The following TNC variants were observed in gnomAD, a reference collection of about 807,000 sequenced individuals.
The protein encoded by TNC is tenascin C.
TNC carries 109 observed loss-of-function variants against 202.4 expected under a neutral mutation model. That is an observed-to-expected ratio of 0.54 (90% CI 0.46 to 0.63). The LOEUF (loss-of-function observed/expected upper bound fraction) is 0.63. Ranked by LOEUF, TNC falls within the 30% of genes least tolerant of loss-of-function variation. TNC has a pLI of 0.00. For missense variants in TNC, 2,756 were observed against 2,833.3 expected, an observed-to-expected ratio of 0.97 and a Z score of 0.62; for synonymous variants, 1,007 against 1,089.7, an observed-to-expected ratio of 0.92 and a Z score of 1.50.
intron 13 of TNC, among the ~76,000 whole-genome samples, chr9:115,062,053 G>A (rs5010187): frequency 0.51 from 78,153 of 152,066 alleles, 20,775 homozygotes; most frequent in African/African-American, 0.64. Flanking sequence ...GTGGCTCTGA[G>A]GCTAGTAATA....
intron 17 of TNC, 48 bp downstream of exon 17, chr9:115,046,362 C>T: frequency 6.3e-7 from 1 of 1,599,726 alleles, no homozygotes; most frequent in Non-Finnish European, 8.5e-7. Flanking sequence ...GAGAAGAAGA[C>T]CCCTGAGTCA....
At chr9:115,034,123 A>T (rs936306149) in intron 22 of TNC, among the ~76,000 whole-genome samples, 5 of 152,150 alleles carry the variant, frequency 3.3e-5, no homozygotes, top group African/African-American at 1.2e-4. Context: ...GCTGAGGTTT[A>T]CTCTCTGGAA....
chr9:115,114,469 A>T (rs928192710), intron 1 of TNC, among the ~76,000 whole-genome samples: 15 of 152,200 alleles, frequency 9.9e-5, no homozygotes. Flanking sequence ...CCTGACTGCT[A>T]CCTCTAGTTT....
intron 1 of TNC, among the ~76,000 whole-genome samples, chr9:115,106,279 G>T (rs1249077313): frequency 6.6e-6 from 1 of 152,182 alleles, no homozygotes; most frequent in Non-Finnish European, 1.5e-5. Context: ...GGTTAAGTAA[G>T]TGGCCTAGTC....
chr9:115,078,482 G>T (rs184227247), intron 6 of TNC, among the ~76,000 whole-genome samples: 1 of 150,644 alleles, frequency 6.6e-6, no homozygotes, highest in East Asian at 1.9e-4. Flanking sequence ...CTGGCCCATG[G>T]ATGTCACATG....
intron 15 of TNC, among the ~76,000 whole-genome samples, chr9:115,048,890 G>A (rs1564437248): frequency 1.3e-5 from 2 of 151,008 alleles, no homozygotes; most frequent in African/African-American, 4.9e-5. Flanking sequence ...GTTGCATTTT[G>A]TTGAGTTTGG....
intron 6 of TNC, among the ~76,000 whole-genome samples, chr9:115,081,191 C>T (rs1172718904): frequency 6.6e-6 from 1 of 152,128 alleles, no homozygotes; most frequent in African/African-American, 2.4e-5. Flanking sequence ...CTTCTTTAAG[C>T]CTTAACATTA....
chr9:115,063,442 C>T lies in TNC; in HGVS notation c.3761-253G>A, dbSNP rs945301252. On this transcript the variant is annotated intron_variant, in intron 12 of 27. Transcript: ENST00000350763. ...TTCTATTCTTGACATACAAATAGGGCTATGGGGAGTCCTTTGGTGTTCTTA... is the reference window on the plus strand; with the variant it reads ...TTCTATTCTTGACATACAAATAGGGTTATGGGGAGTCCTTTGGTGTTCTTA... Among the ~76,000 whole-genome samples the T allele has an allele frequency of 2.0e-5, 3 of 152,098 alleles. No individual in the cohort carries two copies. The South Asian group carries it at 6.2e-4, about 32-fold the overall frequency.
At chr9:115,057,476 A>T (rs754099753) in intron 14 of TNC, 51 bp from the exon 15 acceptor site, 3 of 1,440,270 alleles carry the variant, frequency 2.1e-6, no homozygotes, top group Non-Finnish European at 2.8e-6. Context: ...TGAGTTAATT[A>T]TTTGGCTGTG....
At position 115,095,476 on chromosome 9, in the gene TNC, A is replaced by G. The variant is rs1293249223; in HGVS notation, c.-136-4322T>C. ...TATATATGTATATATATATGTATAT[A>G]TATGTATATATATATGTATATATAT... is the stretch of plus-strand genomic sequence containing the variant. On this transcript the variant is annotated intron_variant, in intron 1 of 27. Transcript: ENST00000350763. 3.5e-5 allele frequency among the ~76,000 whole-genome samples: 2 copies of G among 57,340 alleles called. 1 individual carries two copies. The highest frequency in any genetic ancestry group is 6.6e-5 in the Non-Finnish European group (2 of 30,150). The allele number at this position is 57,340 out of a possible 152,430, so 37.6% of individuals were successfully genotyped here. A position where few individuals can be genotyped will look rare whatever the true frequency, so the allele number is the denominator to read the frequency against.
chr9:115,036,318 A>T, intron 20 of TNC, 77 bp from the exon 21 acceptor site: 1 of 1,514,552 alleles, frequency 6.6e-7, no homozygotes, highest in Non-Finnish European at 9.0e-7. Flanking sequence ...AACCACATAC[A>T]CACCTCCTTC....
intron 16 of TNC, 127 bp downstream of exon 16, chr9:115,048,132 CA>C: frequency 8.4e-7 from 1 of 1,193,358 alleles, no homozygotes; most frequent in East Asian, 2.3e-5. Flanking sequence ...GAAGGTGAAA[CA>C]GTAGACTACA....
At chr9:115,093,650 G>A (rs1372189768) in intron 1 of TNC, among the ~76,000 whole-genome samples, 1 of 148,380 alleles carries the variant, frequency 6.7e-6, no homozygotes, top group African/African-American at 2.5e-5. Flanking sequence ...AAAGGGCCAT[G>A]GGCCAAGTTT....
Position 115,086,251 on chromosome 9 carries a change from C to T in TNC, c.1480G>A (p.Glu494Lys), listed in dbSNP as rs908105891. 5 of 1,614,200 alleles carry T rather than the reference C, an allele frequency of 3.1e-6. No individual in the cohort carries two copies. The highest frequency in any genetic ancestry group is 2.2e-5 in the East Asian group (1 of 44,888). Residue 494 changes from glutamate (E) to lysine (K), a missense_variant, in exon 3 of 28, where the codon GAA becomes AAA. Glu to Lys is a moderately conservative substitution (Grantham distance 56). Transcript: ENST00000350763. ...MCVCDDGYTGEDCRDRQCPRD... is the reference protein window; with the variant it reads ...MCVCDDGYTGKDCRDRQCPRD... ...GGGCATTGGCGATCCCGGCAGTCTTCCCCTGTGTAGCCGTCATCACAAACA... is the reference window on the plus strand; with the variant it reads ...GGGCATTGGCGATCCCGGCAGTCTTTCCCTGTGTAGCCGTCATCACAAACA...
At chr9:115,066,442 G>A (rs1263089907) in intron 10 of TNC, among the ~76,000 whole-genome samples, 2 of 152,276 alleles carry the variant, frequency 1.3e-5, no homozygotes, top group African/African-American at 4.8e-5. Flanking sequence ...ATTAGAGCAG[G>A]CTACTAAGTT....
intron 1 of TNC, among the ~76,000 whole-genome samples, chr9:115,108,438 C>G (rs951852823): frequency 6.6e-6 from 1 of 152,182 alleles, no homozygotes; most frequent in Non-Finnish European, 1.5e-5. Flanking sequence ...AATTCAAACT[C>G]CTAGCCATTG....
intron 7 of TNC, 37 bp downstream of exon 7, chr9:115,077,901 TCTTTC>T (rs775823736): frequency 6.4e-7 from 1 of 1,574,788 alleles, no homozygotes; most frequent in East Asian, 2.3e-5. Context: ...AATCTTTCAA[TCTTTC>T]CTTTACTATA....
intron 9 of TNC, among the ~76,000 whole-genome samples, chr9:115,074,569 C>T (rs1290246807): frequency 6.6e-6 from 1 of 152,164 alleles, no homozygotes; most frequent in Non-Finnish European, 1.5e-5. Flanking sequence ...CTCAAATGGA[C>T]TAATATGTGT....
chr9:115,093,673 G>A (rs529473394), intron 1 of TNC, among the ~76,000 whole-genome samples: 3 of 149,316 alleles, frequency 2.0e-5, no homozygotes, highest in South Asian at 4.2e-4. Context: ...AATGTTTTTG[G>A]ACTTCTCCCC....
Sources: allele counts gnomAD v4.1 joint callset (sites outside exome capture counted in the v4.1 genomes callset), GRCh38; gene constraint gnomAD v4.1.1; transcripts MANE v1.5; gene names NCBI Gene and HGNC (gene_info 2026-07-23, HGNC 2026-07-21).